Variants in NT5DC1 observed in about 807,000 individuals in gnomAD.
NT5DC1 encodes the protein 5'-nucleotidase domain-containing protein 1.
Under a neutral mutation model 59.4 loss-of-function variants are expected in NT5DC1, and 42 were observed. That is an observed-to-expected ratio of 0.71 (90% CI 0.55 to 0.92). NT5DC1 has a LOEUF of 0.92. NT5DC1 is among the 40% of genes least tolerant of loss of function. NT5DC1 has a pLI of 0.00. For synonymous variants in NT5DC1, 172 were observed against 188.1 expected (o/e 0.91, Z 0.70); for missense variants, 501 against 537.1 (o/e 0.93, Z 0.66).
At chr6:116,173,023 C>A (rs1241522409) in intron 6 of NT5DC1, among the ~76,000 whole-genome samples, 1 of 152,110 alleles carries the variant, frequency 6.6e-6, no homozygotes, top group African/African-American at 2.4e-5. Flanking sequence ...GAATACAATT[C>A]ACAGATATTA....
chr6:116,135,870 T>TACACAC (rs1171866948), intron 6 of NT5DC1, among the ~76,000 whole-genome samples: 26 of 119,274 alleles, frequency 2.2e-4, no homozygotes, highest in Middle Eastern at 3.9e-3. Flanking sequence ...TATATATATA[T>TACACAC]ATACACACAT....
chr6:116,149,676 A>G (rs140441617), intron 6 of NT5DC1, among the ~76,000 whole-genome samples: 4 of 152,320 alleles, frequency 2.6e-5, no homozygotes, highest in Admixed American at 6.5e-5. Context: ...TAAAAAGGCA[A>G]TATTTGAACT....
Position 116,230,276 on chromosome 6 carries a change from C to T in NT5DC1, c.803-6690C>T, listed in dbSNP as rs574841167. 1.6e-4 allele frequency among the ~76,000 whole-genome samples: 24 copies of T among 152,288 alleles called. No homozygotes were observed. In the East Asian group the frequency reaches 3.5e-3, roughly 22 times the overall value. The stretch of plus-strand genomic sequence containing the variant: ...AGGCACAAATATATTTAATCACATG[C>T]ACACAATATCTCATTGGCTTCCATT... On this transcript the variant is annotated intron_variant, in intron 8 of 11. Coordinates refer to ENST00000319550, the MANE Select transcript of NT5DC1 (RefSeq NM_152729.3).
intron 11 of NT5DC1, among the ~76,000 whole-genome samples, chr6:116,241,795 C>T (rs1012428236): frequency 5.3e-5 from 8 of 151,268 alleles, no homozygotes; most frequent in African/African-American, 1.9e-4. Context: ...TGGTGGCGGG[C>T]GCCTGTAGTC....
At chr6:116,173,471 A>C (rs534740260) in intron 6 of NT5DC1, among the ~76,000 whole-genome samples, 3 of 152,182 alleles carry the variant, frequency 2.0e-5, no homozygotes, top group Non-Finnish European at 1.5e-5. Context: ...AGAGGTAGGC[A>C]GCCTGTCAGT....
At chr6:116,169,169 T>C (rs1320421530) in intron 6 of NT5DC1, among the ~76,000 whole-genome samples, 1 of 152,120 alleles carries the variant, frequency 6.6e-6, no homozygotes, top group Non-Finnish European at 1.5e-5. Context: ...CTTTCTGGGT[T>C]TCTCTTTTCC....
intron 4 of NT5DC1, among the ~76,000 whole-genome samples, chr6:116,114,647 C>T (rs1222808533): frequency 6.6e-6 from 1 of 151,766 alleles, no homozygotes; most frequent in African/African-American, 2.4e-5. Context: ...TTGTATCAAG[C>T]GTTCTCTAGG....
intron 6 of NT5DC1, among the ~76,000 whole-genome samples, chr6:116,155,006 T>C (rs1050259037): frequency 6.6e-6 from 1 of 152,228 alleles, no homozygotes; most frequent in African/African-American, 2.4e-5. Flanking sequence ...CTGTGCTGGT[T>C]TGAAATGAGG....
intron 6 of NT5DC1, among the ~76,000 whole-genome samples, chr6:116,156,458 T>A (rs1477822728): frequency 6.6e-6 from 1 of 152,172 alleles, no homozygotes; most frequent in Non-Finnish European, 1.5e-5. Context: ...ATAGTCTGCC[T>A]CATAAGGGAT....
intron 4 of NT5DC1, among the ~76,000 whole-genome samples, chr6:116,114,419 C>G (rs538160121): frequency 2.0e-5 from 3 of 150,750 alleles, no homozygotes; most frequent in Non-Finnish European, 4.4e-5. Flanking sequence ...CTCATTCATT[C>G]ATTCAGCAAA....
chr6:116,188,486 A>G (rs1340834263), intron 6 of NT5DC1, among the ~76,000 whole-genome samples: 1 of 152,074 alleles, frequency 6.6e-6, no homozygotes, highest in Non-Finnish European at 1.5e-5. Flanking sequence ...TATGAACAAC[A>G]TGAATGAATC....
intron 8 of NT5DC1, 73 bp downstream of exon 8, chr6:116,223,204 A>G (rs1295464983): frequency 2.8e-6 from 2 of 720,150 alleles, no homozygotes; most frequent in East Asian, 2.7e-5. Flanking sequence ...ACTGTGTTGC[A>G]TGCAATGCCA....
chr6:116,191,851 C>T (rs1781125384), intron 6 of NT5DC1, among the ~76,000 whole-genome samples: 1 of 152,018 alleles, frequency 6.6e-6, no homozygotes, highest in Non-Finnish European at 1.5e-5. Context: ...GTTCTCATTG[C>T]TCATTAATGT....
At chr6:116,125,778 A>G (rs1379819324) in intron 6 of NT5DC1, 7 of 302,464 alleles carry the variant, frequency 2.3e-5, no homozygotes, top group Non-Finnish European at 3.8e-5. Flanking sequence ...GGATGTCTGT[A>G]TTAAATAATC....
rs560586916 is a variant in NT5DC1, at chr6:116,178,517, C to G, written c.530-42537C>G. ...TACTGCAATGAAGCAGAAAACTAAC[C>G]GACTTCCAGTCATTTGTTGTTAAAG... is the stretch of plus-strand genomic sequence containing the variant. On this transcript the variant is annotated intron_variant, in intron 6 of 11. Transcript: ENST00000319550. Among the ~76,000 whole-genome samples the G allele has an allele frequency of 1.7e-4, 26 of 152,282 alleles. No homozygotes were observed. In the South Asian group the frequency reaches 3.3e-3, roughly 19 times the overall value.
At chr6:116,185,599 C>T (rs1780978137) in intron 6 of NT5DC1, among the ~76,000 whole-genome samples, 2 of 152,002 alleles carry the variant, frequency 1.3e-5, no homozygotes, top group South Asian at 4.2e-4. Flanking sequence ...TTGGACTAGT[C>T]CTTTTATCCT....
intron 6 of NT5DC1, among the ~76,000 whole-genome samples, chr6:116,164,547 A>T (rs1484832659): frequency 6.6e-6 from 1 of 152,156 alleles, no homozygotes; most frequent in Non-Finnish European, 1.5e-5. Flanking sequence ...CAATTTGCTA[A>T]TCTATCTCTT....
At position 116,221,244 on chromosome 6, in the gene NT5DC1, T is replaced by C; in HGVS notation, c.704+16T>C. The C allele has an allele frequency of 6.7e-7, 1 of 1,492,966 alleles. No homozygotes were observed. Among genetic ancestry groups the C allele is most frequent in the Non-Finnish European group, 9.3e-7 (1 of 1,076,610 alleles). The allele number at this position is 1,492,966 out of a possible 1,614,324, so 92.5% of individuals were successfully genotyped here. On this transcript the variant is annotated intron_variant, in intron 7 of 11. Transcript: ENST00000319550. Reference sequence around the variant, plus strand: ...ATATTCTTGGGTGAGTGATGAGTCATTCAGTTTTCATTGTCTTATGAAATA... The same window carrying C: ...ATATTCTTGGGTGAGTGATGAGTCACTCAGTTTTCATTGTCTTATGAAATA...
intron 6 of NT5DC1, among the ~76,000 whole-genome samples, chr6:116,198,365 T>C (rs1781279145): frequency 6.6e-6 from 1 of 152,086 alleles, no homozygotes; most frequent in Non-Finnish European, 1.5e-5. Flanking sequence ...TATATGTAAC[T>C]GTGCTCATGC....
Sources: allele counts gnomAD v4.1 joint callset (sites outside exome capture counted in the v4.1 genomes callset), GRCh38; gene constraint gnomAD v4.1.1; transcripts MANE v1.5; gene names NCBI Gene and HGNC (gene_info 2026-07-23, HGNC 2026-07-21).